Variants in DNTTIP1 observed in about 807,000 individuals in gnomAD.
DNTTIP1 encodes the protein deoxynucleotidyltransferase terminal-interacting protein 1.
Under a neutral mutation model 52.9 loss-of-function variants are expected in DNTTIP1, and 22 were observed. The observed-to-expected ratio is 0.42, with a 90% confidence interval of 0.30 to 0.59. The LOEUF (loss-of-function observed/expected upper bound fraction) is 0.59, where lower values mean the gene tolerates loss of function less well. Among genes scored for constraint, DNTTIP1 ranks in the 20% least tolerant of loss-of-function variants. The pLI is 0.22. For synonymous variants in DNTTIP1, 136 were observed against 155.1 expected, an observed-to-expected ratio of 0.88 and a Z score of 0.92; for missense variants, 286 against 435.5, an observed-to-expected ratio of 0.66 and a Z score of 3.06.
intron 7 of DNTTIP1, chr20:45,803,016 C>T (rs564651544): frequency 1.5e-4 from 47 of 311,826 alleles, no homozygotes; most frequent in Non-Finnish European, 2.3e-4. Flanking sequence ...GTCTCCTACA[C>T]GAAGCAGTTT....
In DNTTIP1 at chr20:45,801,991, T is replaced by C. The variant is rs1981486991; in HGVS notation, c.499-8T>C. 2 of 1,614,036 alleles carry C rather than the reference T, an allele frequency of 1.2e-6. No individual in the cohort carries two copies. The highest frequency in any genetic ancestry group is 1.7e-6 in the Non-Finnish European group (2 of 1,180,032). On this transcript the variant is annotated splice_region_variant and splice_polypyrimidine_tract_variant and intron_variant, in intron 6 of 12. Transcript: ENST00000372622. ...GGTCAGACCTCTGACAGCTGTTTTT[T>C]GTGGCAGAGGAAAGGACGGCCTCCT...
In DNTTIP1 at chr20:45,809,014, T is replaced by G; in HGVS notation, c.724-100T>G. ...GTCCACCACGCTTGGAGACAAGGAC[T>G]TTTGGTAAGAACTGCTCAAGGGCCA... On this transcript the variant is annotated intron_variant, in intron 10 of 12. Transcript: ENST00000372622. This position sits in a 1 kb window ranked among gnomAD's most constrained non-coding sequence, Gnocchi z 4.2. 9.4e-7 allele frequency: 1 copy of G among 1,063,020 alleles called. No homozygotes were observed. Among genetic ancestry groups the G allele is most frequent in the Non-Finnish European group, 1.4e-6 (1 of 701,278 alleles). 65.8% of individuals were successfully genotyped at this position (1,063,020 alleles called of 1,614,324 possible).
At chr20:45,794,048 G>A (rs1259536074) in intron 3 of DNTTIP1, 31 bp downstream of exon 3, 2 of 1,464,600 alleles carry the variant, frequency 1.4e-6, no homozygotes, top group South Asian at 1.3e-5. Flanking sequence ...AAAATAACAG[G>A]AGAAAGACTC....
intron 10 of DNTTIP1, among the ~76,000 whole-genome samples, chr20:45,807,759 C>G (rs1981695753): frequency 1.3e-5 from 2 of 151,898 alleles, no homozygotes; most frequent in Non-Finnish European, 2.9e-5. Flanking sequence ...CCAGCCTGGC[C>G]AACATGGTGA....
Position 45,794,005 on chromosome 20 carries a change from C to A in DNTTIP1, c.261C>A (p.Asn87Lys), listed in dbSNP as rs755123447. 8.5e-5 allele frequency: 135 copies of A among 1,593,062 alleles called. No individual in the cohort carries two copies. The highest frequency in any genetic ancestry group is 1.1e-4 in the Non-Finnish European group (129 of 1,169,032). ...SINEEIQTVFNKYMKFFQKAA... is the reference protein window; with the variant it reads ...SINEEIQTVFKKYMKFFQKAA... ...ACGAGGAGATCCAGACTGTCTTCAA[C>A]AAGTACATGAAGGTGAGAGGGACAC... Residue 87 changes from asparagine (N) to lysine (K), a missense_variant, in exon 3 of 13, where the codon AAC becomes AAA. Physicochemically the swap from Asn to Lys is moderately conservative, Grantham distance 94. Around this residue, in one of 2 missense-constraint regions of DNTTIP1, gnomAD observed 208 missense variants for 266.5 expected, o/e 0.78. Coordinates refer to ENST00000372622, the MANE Select transcript of DNTTIP1 (RefSeq NM_052951.3).
intron 8 of DNTTIP1, among the ~76,000 whole-genome samples, chr20:45,803,716 T>C (rs901442167): frequency 6.6e-6 from 1 of 152,208 alleles, no homozygotes; most frequent in Non-Finnish European, 1.5e-5. Context: ...AACAAACTTA[T>C]GAGATCAATT....
At chr20:45,808,217 G>A (rs866747194) in intron 10 of DNTTIP1, among the ~76,000 whole-genome samples, 6 of 152,020 alleles carry the variant, frequency 3.9e-5, no homozygotes, top group East Asian at 1.9e-4. Context: ...GTGTTGGCAC[G>A]TGCCTGTAAT....
chr20:45,809,171 A>G lies in DNTTIP1; in HGVS notation c.781A>G (p.Thr261Ala). The G allele has an allele frequency of 1.2e-6, 2 of 1,614,100 alleles. No homozygotes were observed. The highest frequency in any genetic ancestry group is 1.3e-5 in the African/African-American group (1 of 75,066). The change falls in exon 11 of 13, where the codon ACA (threonine) becomes GCA (alanine). Residue 261 changes from threonine (T) to alanine (A), a missense_variant. This residue lies in a region of DNTTIP1 where 78 missense variants were observed against 169.0 expected (regional missense o/e 0.46). Transcript: ENST00000372622. This position sits in a 1 kb window ranked among gnomAD's most constrained non-coding sequence, Gnocchi z 4.2. ...GGCTGAGCAGCATCACATGCGGGCA[A>G]CAGGGGGCAAGATGGTAAGCATTAT... ...WLAEQHHMRA[T>A]GGKMAYLLIE...
At position 45,808,645 on chromosome 20, in the gene DNTTIP1, GATCA is replaced by G. The variant is rs140258090; in HGVS notation, c.724-450_724-447del. On this transcript the variant is annotated intron_variant, in intron 10 of 12. Coordinates refer to ENST00000372622, the MANE Select transcript of DNTTIP1 (RefSeq NM_052951.3). ...ACAAGAGTGAAACTCCGTCTCAATC[GATCA>G]ATCAATCAATCAATCAATAAACCAA... 6.9e-3 allele frequency among the ~76,000 whole-genome samples: 1,043 copies of G among 152,074 alleles called. 38 individuals carry two copies. In the East Asian group the frequency reaches 0.12, roughly 17 times the overall value.
chr20:45,796,398 A>G (rs1981240125), intron 4 of DNTTIP1: 3 of 425,678 alleles, frequency 7.0e-6, no homozygotes, highest in Admixed American at 6.5e-5. Flanking sequence ...AAAAAAAAAA[A>G]AAGAAATGGC....
intron 7 of DNTTIP1, 69 bp from the exon 8 acceptor site, chr20:45,803,264 C>T (rs1230459395): frequency 4.0e-6 from 6 of 1,514,058 alleles, no homozygotes; most frequent in Non-Finnish European, 5.5e-6. Flanking sequence ...CCTACCACCA[C>T]CAGCAAGCTG....
rs1168668895 is a variant in DNTTIP1, at chr20:45,801,408, C to G, written c.448C>G (p.Arg150Gly). ...THELPGIKRG[R>G]QAEEECAHRG... Reference sequence around the variant, plus strand: ...CCCTTCCCTTTTCTTTTAGCGTGGCCGTCAGGCAGAAGAAGAATGTGCCCA... The same window carrying G: ...CCCTTCCCTTTTCTTTTAGCGTGGCGGTCAGGCAGAAGAAGAATGTGCCCA... The change falls in exon 6 of 13, where the codon CGT becomes GGT. Residue 150 changes from arginine (R) to glycine (G), a missense_variant. By Grantham distance (125) the Arg-to-Gly change is moderately radical (BLOSUM62 -2). This residue lies in a region of DNTTIP1 where 208 missense variants were observed against 266.5 expected (regional missense o/e 0.78). Transcript: ENST00000372622. The G allele has an allele frequency of 1.2e-6, 2 of 1,614,112 alleles. No homozygotes were observed. Among genetic ancestry groups the G allele is most frequent in the East Asian group, 2.2e-5 (1 of 44,876 alleles).
chr20:45,801,870 CTCCCTG>C, intron 6 of DNTTIP1, 123 bp from the exon 7 acceptor site: 1 of 966,276 alleles, frequency 1.0e-6, no homozygotes, highest in Non-Finnish European at 1.7e-6. Flanking sequence ...GGCAGTTTTT[CTCCCTG>C]TCCCTGTCAA....
At chr20:45,810,992 C>T (rs769195126) in intron 12 of DNTTIP1, 52 bp downstream of exon 12, 1 of 1,613,672 alleles carries the variant, frequency 6.2e-7, no homozygotes, top group African/African-American at 1.3e-5. Flanking sequence ...TCCAAATAGC[C>T]CCTAGAATGA....
intron 4 of DNTTIP1, among the ~76,000 whole-genome samples, chr20:45,797,820 A>G (rs868232507): frequency 0.017 from 2,550 of 152,312 alleles, 68 homozygotes; most frequent in African/African-American, 0.058. Flanking sequence ...ATCATTAAAA[A>G]GTCAGGAAAC....
Position 45,801,445 on chromosome 20 carries a change from C to A in DNTTIP1, c.485C>A (p.Pro162His). The change falls in exon 6 of 13, where the codon CCC becomes CAC. Residue 162 changes from proline to histidine, a missense_variant. Pro to His is a moderately conservative substitution (Grantham distance 77). This residue lies in a region of DNTTIP1 where 208 missense variants were observed against 266.5 expected (regional missense o/e 0.78). Transcript: ENST00000372622. ...AEEECAHRGSPLPKKRKGRPP... is the reference protein window; with the variant it reads ...AEEECAHRGSHLPKKRKGRPP... ...GAAGAATGTGCCCATCGAGGAAGCC[C>A]CCTTCCTAAAAAGGTAAACCATTTC... 2.5e-6 allele frequency: 4 copies of A among 1,614,104 alleles called. No individual in the cohort carries two copies. The highest frequency in any genetic ancestry group is 3.4e-6 in the Non-Finnish European group (4 of 1,180,000).
chr20:45,807,684 C>T (rs923792425), intron 10 of DNTTIP1, among the ~76,000 whole-genome samples: 10 of 152,288 alleles, frequency 6.6e-5, no homozygotes, highest in South Asian at 4.1e-4. Flanking sequence ...CAGTGACTCA[C>T]GCCTGTAATC....
intron 6 of DNTTIP1, among the ~76,000 whole-genome samples, 185 bp from the exon 7 acceptor site, chr20:45,801,814 G>T (rs939098807): frequency 6.6e-6 from 1 of 152,176 alleles, no homozygotes; most frequent in African/African-American, 2.4e-5. Flanking sequence ...ACTCCGCAAG[G>T]TACTGGGCTT....
chr20:45,805,156 C>G lies in DNTTIP1; in HGVS notation c.614C>G (p.Ala205Gly). The change falls in exon 9 of 13, where the codon GCT (alanine) becomes GGT (glycine). Residue 205 changes from alanine (A) to glycine (G), a missense_variant. Around this residue, in one of 2 missense-constraint regions of DNTTIP1, gnomAD observed 78 missense variants for 169.0 expected, o/e 0.46. Transcript: ENST00000372622. ...IRREGPKWDPARLNESTTFVL... is the reference protein window; with the variant it reads ...IRREGPKWDPGRLNESTTFVL... ...CTATTTTTTGCACAGTGGGACCCAGCTCGCCTGAATGAATCTACCACCTTT... is the reference window on the plus strand; with the variant it reads ...CTATTTTTTGCACAGTGGGACCCAGGTCGCCTGAATGAATCTACCACCTTT... 6.2e-7 allele frequency: 1 copy of G among 1,614,200 alleles called. No homozygotes were observed. Among genetic ancestry groups the G allele is most frequent in the East Asian group, 2.2e-5 (1 of 44,892 alleles).
Sources: gnomAD v4.1 joint callset for allele counts (sites outside exome capture counted in the v4.1 genomes callset) on GRCh38, gnomAD v4.1.1 for gene constraint, gnomAD v4.1.1 regional missense constraint, Gnocchi (gnomAD v3.1) non-coding constraint, MANE v1.5 for transcripts, NCBI Gene and HGNC (gene_info 2026-07-23, HGNC 2026-07-21) for gene names.